LRRTM4: variants seen among roughly 807,000 people sequenced by gnomAD.
LRRTM4 encodes leucine rich repeat transmembrane neuronal 4, also known as leucine-rich repeat transmembrane neuronal protein 4.
A neutral mutation model predicts 47.6 loss-of-function variants in LRRTM4; 25 were observed. The observed-to-expected ratio is 0.53, with a 90% CI of 0.38 to 0.73. The LOEUF (loss-of-function observed/expected upper bound fraction) is 0.73. Ranked by LOEUF, LRRTM4 falls within the 30% of genes least tolerant of loss-of-function variation. LRRTM4 has a pLI of 0.00. For synonymous variants in LRRTM4, 311 were observed against 269.5 expected (o/e 1.15, Z -1.51); for missense variants, 638 against 713.4 (o/e 0.89, Z 1.20).
chr2:76,814,494 A>G (rs973433011), intron 3 of LRRTM4, among the ~76,000 whole-genome samples: 1 of 152,126 alleles, frequency 6.6e-6, no homozygotes, highest in African/African-American at 2.4e-5. Context: ...ACAACCATGG[A>G]TCAAAAATAT....
intron 3 of LRRTM4, among the ~76,000 whole-genome samples, chr2:77,312,188 C>G (rs1443802445): frequency 6.6e-6 from 1 of 152,130 alleles, no homozygotes; most frequent in Non-Finnish European, 1.5e-5. Context: ...ATCTATTTCT[C>G]AAAATATATT....
intron 3 of LRRTM4, among the ~76,000 whole-genome samples, chr2:76,851,830 A>C (rs538036175): frequency 1.4e-5 from 2 of 145,156 alleles, no homozygotes; most frequent in Admixed American, 1.4e-4. Context: ...ACTCTCTTCC[A>C]GAGATGAGGT....
chr2:77,124,326 A>G lies in LRRTM4; in HGVS notation c.1552-375410T>C, dbSNP rs148578311. Among the ~76,000 whole-genome samples, 305 of 152,218 alleles carry G rather than the reference A, an allele frequency of 2.0e-3. 1 individual carries two copies. The East Asian group carries it at 0.027, about 14-fold the overall frequency. On this transcript the variant is annotated intron_variant, in intron 3 of 3. Transcript: ENST00000409884. ...AACAAGAACAGGAACCAAGTTAAATACACACAGGACAATGTCAAAACAGAA... is the reference window on the plus strand; with the variant it reads ...AACAAGAACAGGAACCAAGTTAAATGCACACAGGACAATGTCAAAACAGAA...
At chr2:76,911,221 A>G (rs1674043959) in intron 3 of LRRTM4, among the ~76,000 whole-genome samples, 2 of 152,238 alleles carry the variant, frequency 1.3e-5, no homozygotes, top group Admixed American at 1.3e-4. Context: ...GACAAGAATT[A>G]TTACAGATAG....
chr2:77,496,309 G>A (rs1453831660), intron 3 of LRRTM4, among the ~76,000 whole-genome samples: 1 of 151,660 alleles, frequency 6.6e-6, no homozygotes, highest in Non-Finnish European at 1.5e-5. Flanking sequence ...TAATCTCTAT[G>A]CCTTTTATTT....
At chr2:77,182,431 G>C (rs1418965224) in intron 3 of LRRTM4, among the ~76,000 whole-genome samples, 3 of 152,086 alleles carry the variant, frequency 2.0e-5, no homozygotes, top group Non-Finnish European at 4.4e-5. Context: ...TTGGAAGTTG[G>C]GGGTGAGGGG....
At chr2:77,333,629 G>A (rs1172957090) in intron 3 of LRRTM4, among the ~76,000 whole-genome samples, 1 of 152,180 alleles carries the variant, frequency 6.6e-6, no homozygotes, top group Non-Finnish European at 1.5e-5. Context: ...AGATTTCAGA[G>A]GATGTATGGA....
At chr2:77,010,342 T>A (rs1468550356) in intron 3 of LRRTM4, among the ~76,000 whole-genome samples, 1 of 126,680 alleles carries the variant, frequency 7.9e-6, no homozygotes, top group African/African-American at 2.7e-5. Flanking sequence ...TTTCTATGAG[T>A]TTGATTTTTT....
intron 3 of LRRTM4, among the ~76,000 whole-genome samples, chr2:77,255,048 T>G (rs1250779465): frequency 6.6e-6 from 1 of 151,928 alleles, no homozygotes; most frequent in Admixed American, 6.6e-5. Context: ...AGAAACTCAC[T>G]TAAAATATGA....
chr2:76,807,117 A>C (rs1307456298), intron 3 of LRRTM4, among the ~76,000 whole-genome samples: 1 of 152,038 alleles, frequency 6.6e-6, no homozygotes, highest in East Asian at 1.9e-4. Flanking sequence ...AACCTACCCC[A>C]ATATGGAACT....
chr2:76,926,707 T>C (rs1674599934), intron 3 of LRRTM4, among the ~76,000 whole-genome samples: 1 of 152,124 alleles, frequency 6.6e-6, no homozygotes, highest in South Asian at 2.1e-4. Flanking sequence ...TCTTTGTCCT[T>C]CTGCCATGAG....
At chr2:77,424,827 A>G (rs1172129371) in intron 3 of LRRTM4, among the ~76,000 whole-genome samples, 4 of 152,206 alleles carry the variant, frequency 2.6e-5, no homozygotes, top group African/African-American at 9.6e-5. Flanking sequence ...ATATTTGGCT[A>G]TAGACCCAGG....
At chr2:77,083,822 T>TTTTTTTTTTTTTC (rs1558569872) in intron 3 of LRRTM4, among the ~76,000 whole-genome samples, 2 of 119,838 alleles carry the variant, frequency 1.7e-5, no homozygotes, top group African/African-American at 7.1e-5. Flanking sequence ...TTTTTTTTTT[T>TTTTTTTTTTTTTC]CAGACGGAGT....
At chr2:76,761,439 G>A (rs561114286) in intron 3 of LRRTM4, among the ~76,000 whole-genome samples, 1 of 152,174 alleles carries the variant, frequency 6.6e-6, no homozygotes, top group South Asian at 2.1e-4. Context: ...TCTAAAGTTA[G>A]GTGCAATTCA....
At chr2:77,095,457 T>C (rs1442156893) in intron 3 of LRRTM4, among the ~76,000 whole-genome samples, 1 of 152,112 alleles carries the variant, frequency 6.6e-6, no homozygotes, top group Non-Finnish European at 1.5e-5. Flanking sequence ...CACTCCCATG[T>C]TCATGGTAAC....
intron 3 of LRRTM4, among the ~76,000 whole-genome samples, chr2:77,483,818 G>T (rs1027336882): frequency 6.6e-6 from 1 of 152,146 alleles, no homozygotes; most frequent in Non-Finnish European, 1.5e-5. Flanking sequence ...CACCAATTTT[G>T]GTTAGTATAG....
chr2:76,889,977 T>G (rs17333404), intron 3 of LRRTM4, among the ~76,000 whole-genome samples: 21,959 of 151,826 alleles, frequency 0.14, 2,008 homozygotes, highest in Admixed American at 0.22. Context: ...GATGTATGAG[T>G]GCAGTGCAGG....
chr2:77,385,221 G>A (rs1673216343), intron 3 of LRRTM4, among the ~76,000 whole-genome samples: 1 of 152,108 alleles, frequency 6.6e-6, no homozygotes, highest in South Asian at 2.1e-4. Context: ...GGGATCTGCA[G>A]TAGATTATAC....
chr2:77,251,319 T>TA (rs1366033754), intron 3 of LRRTM4, among the ~76,000 whole-genome samples: 2 of 150,954 alleles, frequency 1.3e-5, no homozygotes, highest in Non-Finnish European at 2.9e-5. Context: ...TGAATTATCA[T>TA]AAAAAAGCTA....
Sources: gnomAD v4.1 joint callset for allele counts (sites outside exome capture counted in the v4.1 genomes callset) on GRCh38, gnomAD v4.1.1 for gene constraint, MANE v1.5 for transcripts, NCBI Gene and HGNC (gene_info 2026-07-23, HGNC 2026-07-21) for gene names.